Variants in PTPRM observed in about 807,000 individuals in gnomAD.
PTPRM encodes the protein receptor-type tyrosine-protein phosphatase mu.
In PTPRM, 47 loss-of-function variants were observed where a neutral mutation model predicts 186.7. The ratio of observed to expected loss-of-function variants is 0.25; its 90% CI spans 0.20 to 0.32. The LOEUF (loss-of-function observed/expected upper bound fraction) is 0.32. PTPRM is among the 10% of genes least tolerant of loss of function. PTPRM has a pLI of 1.00. For missense variants in PTPRM, 1,494 were observed against 1,865.0 expected (o/e 0.80, Z 3.66); for synonymous variants, 668 against 674.9 (o/e 0.99, Z 0.16).
Position 7,568,709 on chromosome 18 carries a change from TGTGA to T in PTPRM, c.73+822_73+825del, listed in dbSNP as rs1163242067. ...GGCACTGGCGGTGTGCGAGCAAGCG[TGTGA>T]GTGTGTGCGCGTGTGTGCCTGCACG... On this transcript the variant is annotated intron_variant, in intron 1 of 32. Transcript: ENST00000580170. The surrounding 1 kb of genome is among the most constrained non-coding windows in gnomAD (Gnocchi z 5.1). Among the ~76,000 whole-genome samples, 2 of 152,070 alleles carry T rather than the reference TGTGA, an allele frequency of 1.3e-5. No homozygotes were observed. Among genetic ancestry groups the T allele is most frequent in the African/African-American group, 2.4e-5 (1 of 41,418 alleles).
chr18:8,366,153 T>C (rs2095627966), intron 23 of PTPRM, among the ~76,000 whole-genome samples: 1 of 152,196 alleles, frequency 6.6e-6, no homozygotes, highest in Non-Finnish European at 1.5e-5. Flanking sequence ...CTTAGAACTC[T>C]CTGCCATAGG....
intron 20 of PTPRM, among the ~76,000 whole-genome samples, chr18:8,307,455 A>G (rs527824207): frequency 3.3e-5 from 5 of 152,238 alleles, no homozygotes; most frequent in African/African-American, 1.2e-4. Context: ...TTATTTTATC[A>G]CTAAAACAAA....
intron 7 of PTPRM, among the ~76,000 whole-genome samples, chr18:8,001,589 TTA>T (rs374829874): frequency 3.9e-5 from 6 of 152,274 alleles, no homozygotes; most frequent in African/African-American, 1.2e-4. Context: ...TTTTGTGACT[TTA>T]TAGAGTTATT....
At chr18:8,297,948 T>G (rs539235557) in intron 20 of PTPRM, among the ~76,000 whole-genome samples, 9 of 152,330 alleles carry the variant, frequency 5.9e-5, no homozygotes, top group African/African-American at 2.2e-4. Flanking sequence ...TAGGGTTGAT[T>G]ACTCCTCAGT....
chr18:8,397,287 G>A (rs2148616482), intron 32 of PTPRM, among the ~76,000 whole-genome samples: 1 of 152,314 alleles, frequency 6.6e-6, no homozygotes, highest in South Asian at 2.1e-4. Context: ...TCCCTGCCAG[G>A]GCGGGTGAGC....
At chr18:8,149,140 G>A (rs1300170162) in intron 14 of PTPRM, among the ~76,000 whole-genome samples, 1 of 152,156 alleles carries the variant, frequency 6.6e-6, no homozygotes, top group Admixed American at 6.5e-5. Context: ...GATTTGGGGT[G>A]GAGAGTTCCG....
chr18:8,070,482 G>C (rs2089401327), intron 8 of PTPRM, among the ~76,000 whole-genome samples: 1 of 152,168 alleles, frequency 6.6e-6, no homozygotes, highest in Non-Finnish European at 1.5e-5. Flanking sequence ...CTGTAAGTTG[G>C]TGGTCATGAA....
chr18:7,687,925 A>G (rs923156259), intron 1 of PTPRM, among the ~76,000 whole-genome samples: 2 of 151,872 alleles, frequency 1.3e-5, no homozygotes, highest in African/African-American at 4.8e-5. Flanking sequence ...CTACAGGCAC[A>G]CGCCACCATG....
intron 1 of PTPRM, among the ~76,000 whole-genome samples, chr18:7,711,093 C>A (rs571297154): frequency 1.3e-5 from 2 of 152,190 alleles, no homozygotes; most frequent in Admixed American, 1.3e-4. Flanking sequence ...GAGATCAATG[C>A]AGAAGGCGGG....
intron 19 of PTPRM, among the ~76,000 whole-genome samples, chr18:8,259,528 C>A (rs1201567234): frequency 6.6e-6 from 1 of 150,580 alleles, no homozygotes; most frequent in African/African-American, 2.4e-5. Flanking sequence ...CTAAGTAAAA[C>A]AGCTGACTTT....
At chr18:8,376,856 C>T (rs891007061) in intron 26 of PTPRM, 3 of 394,564 alleles carry the variant, frequency 7.6e-6, no homozygotes, top group African/African-American at 6.2e-5. Flanking sequence ...TTAAGGGACC[C>T]AAAAAAGTCT....
intron 23 of PTPRM, among the ~76,000 whole-genome samples, chr18:8,344,442 GTGTGTGTATATATATATA>G (rs1330335186): frequency 4.3e-4 from 16 of 36,792 alleles, no homozygotes; most frequent in South Asian, 3.7e-3. Context: ...GTGTGTGTGT[GTGTGTGTATATATATATA>G]TATATATATA....
intron 14 of PTPRM, among the ~76,000 whole-genome samples, chr18:8,156,755 T>C (rs2093129947): frequency 6.6e-6 from 1 of 152,206 alleles, no homozygotes; most frequent in East Asian, 1.9e-4. Flanking sequence ...TTACCATTGC[T>C]TTAAGTCTAT....
At chr18:8,299,686 G>A (rs1732686180) in intron 20 of PTPRM, among the ~76,000 whole-genome samples, 1 of 152,182 alleles carries the variant, frequency 6.6e-6, no homozygotes, top group South Asian at 2.1e-4. Context: ...TTTCTGTAAA[G>A]GGTCCAGTAG....
At chr18:7,772,359 C>A (rs1249279177) in intron 1 of PTPRM, among the ~76,000 whole-genome samples, 1 of 43,170 alleles carries the variant, frequency 2.3e-5, no homozygotes, top group Non-Finnish European at 5.3e-5. Flanking sequence ...CTCTTTCTTT[C>A]TTTCTTTCTT....
At position 8,247,828 on chromosome 18, in the gene PTPRM, C is replaced by A; in HGVS notation, c.2453-17C>A. The A allele has an allele frequency of 6.4e-7, 1 of 1,567,530 alleles. No individual in the cohort carries two copies. The highest frequency in any genetic ancestry group is 8.8e-7 in the Non-Finnish European group (1 of 1,137,760). On this transcript the variant is annotated splice_polypyrimidine_tract_variant and intron_variant, in intron 15 of 32. Transcript: ENST00000580170. ...TACCTCTCTGCTGCCCCTGACCAGC[C>A]TCTCTTTTATTTACAGCTGTGTCTT...
chr18:7,627,671 A>C (rs1328614033), intron 1 of PTPRM, among the ~76,000 whole-genome samples: 2 of 152,222 alleles, frequency 1.3e-5, no homozygotes, highest in African/African-American at 2.4e-5. Flanking sequence ...TTCGGCGGGC[A>C]CCAGAGGCAT....
intron 31 of PTPRM, among the ~76,000 whole-genome samples, chr18:8,387,574 C>T (rs1377484047): frequency 6.6e-6 from 1 of 151,222 alleles, no homozygotes; most frequent in African/African-American, 2.5e-5. Context: ...GCTGGGTCTT[C>T]AACTGTTGGT....
chr18:7,602,532 A>T lies in PTPRM; in HGVS notation c.73+34641A>T, dbSNP rs1474566765. Among the ~76,000 whole-genome samples, 5 of 151,012 alleles carry T rather than the reference A, an allele frequency of 3.3e-5. No homozygotes were observed. The East Asian group carries it at 9.8e-4, about 30-fold the overall frequency. On this transcript the variant is annotated intron_variant, in intron 1 of 32. Coordinates refer to ENST00000580170, the MANE Select transcript of PTPRM (RefSeq NM_001105244.2). ...AACTTTGAACTCCTGGGCTAAAGGG[A>T]TCCTCCCACCTCAGCCTCCCTAGTT...
Sources: allele counts gnomAD v4.1 joint callset (sites outside exome capture counted in the v4.1 genomes callset), GRCh38; gene constraint gnomAD v4.1.1; non-coding constraint Gnocchi (gnomAD v3.1); transcripts MANE v1.5; gene names NCBI Gene and HGNC (gene_info 2026-07-23, HGNC 2026-07-21).